Variants in C1QTNF5 observed in about 807,000 individuals in gnomAD.
C1QTNF5 encodes C1q and TNF related 5, also known as complement C1q tumor necrosis factor-related protein 5.
C1QTNF5 carries 5 observed loss-of-function variants against 10.9 expected under a neutral mutation model. The ratio of observed to expected loss-of-function variants is 0.46; its 90% CI spans 0.24 to 0.97. The LOEUF (loss-of-function observed/expected upper bound fraction) is 0.97. Among genes scored for constraint, C1QTNF5 ranks in the 50% least tolerant of loss-of-function variants. The pLI is 0.19. For synonymous variants in C1QTNF5, 161 were observed against 156.5 expected (o/e 1.03, Z -0.22); for missense variants, 281 against 339.4 (o/e 0.83, Z 1.35).
In C1QTNF5 at chr11:119,340,351, G is replaced by A; in HGVS notation, c.47C>T (p.Ser16Leu). Residue 16 changes from serine (S) to leucine (L), a missense_variant, in exon 2 of 3, where the codon TCG becomes TTG. Transcript: ENST00000528368. ...VLLLLGLAAG[S>L]PPLDDNKIPS... ...GATCTTGTTGTCGTCCAGTGGGGGC[G>A]AGCCGGCCGCCAGGCCCAGGAGCAG... 1.9e-6 allele frequency: 3 copies of A among 1,543,992 alleles called. No individual in the cohort carries two copies. Among genetic ancestry groups the A allele is most frequent in the Non-Finnish European group, 2.6e-6 (3 of 1,145,404 alleles).
At chr11:119,344,783 G>A, upstream of C1QTNF5, 1 of 1,613,838 alleles carries the variant, frequency 6.2e-7, no homozygotes, top group Non-Finnish European at 8.5e-7. Context: ...AGGAGTCAGG[G>A]AGGCCCGGAG....
In C1QTNF5 at chr11:119,339,194, C is replaced by G. The variant is rs906579086; in HGVS notation, c.*137G>C. On this transcript the variant is annotated 3_prime_UTR_variant, in exon 3 of 3. Transcript: ENST00000528368. The surrounding 1 kb of genome is among the most constrained non-coding windows in gnomAD (Gnocchi z 5.4). ...CACTGTTCCCATTCCTTGCCAGCAG[C>G]AGGACGGAGAGTGCTCTACCCCACC... is the stretch of plus-strand genomic sequence containing the variant. 5 of 954,564 alleles carry G rather than the reference C, an allele frequency of 5.2e-6. No homozygotes were observed. The African/African-American group carries it at 6.6e-5, about 13-fold the overall frequency. The allele number at this position is 954,564 out of a possible 1,614,324, so 59.1% of individuals were successfully genotyped here. A position where few individuals can be genotyped will look rare whatever the true frequency, so the allele number is the denominator to read the frequency against.
upstream of C1QTNF5, chr11:119,341,907 C>T (rs1950506856): frequency 2.5e-6 from 4 of 1,614,050 alleles, no homozygotes; most frequent in Non-Finnish European, 3.4e-6. Context: ...ATCATGCCCA[C>T]CCAGATGTTA....
At chr11:119,342,090 G>A (rs562656011), upstream of C1QTNF5, 1 of 1,424,662 alleles carries the variant, frequency 7.0e-7, no homozygotes, top group Admixed American at 1.9e-5. Context: ...GTCCAATGGG[G>A]GTGGTTGTGA....
At chr11:119,344,490 T>C, upstream of C1QTNF5, 2 of 1,567,722 alleles carry the variant, frequency 1.3e-6, no homozygotes, top group East Asian at 2.3e-5. Context: ...GCCATGCCCA[T>C]GGGAAACAAG....
chr11:119,344,826 G>A, upstream of C1QTNF5: 2 of 1,613,580 alleles, frequency 1.2e-6, no homozygotes, highest in Non-Finnish European at 1.7e-6. Context: ...GGGAGTGGGT[G>A]GAGGGGAAGA....
upstream of C1QTNF5, chr11:119,343,722 A>G (rs1440881996): frequency 2.0e-6 from 3 of 1,507,452 alleles, no homozygotes; most frequent in Non-Finnish European, 2.8e-6. Context: ...AAGAAAATGA[A>G]GCTGGAGAAT....
upstream of C1QTNF5, chr11:119,345,085 C>A: frequency 1.3e-6 from 2 of 1,532,864 alleles, no homozygotes; most frequent in Non-Finnish European, 8.8e-7. Flanking sequence ...CCTTGCAGTC[C>A]TATTTTCTCA....
chr11:119,343,022 T>C, upstream of C1QTNF5: 1 of 1,589,460 alleles, frequency 6.3e-7, no homozygotes, highest in Non-Finnish European at 8.5e-7. Flanking sequence ...AGCAGACAGC[T>C]GTTCTGGGCA....
upstream of C1QTNF5, chr11:119,342,619 C>A: frequency 6.2e-7 from 1 of 1,613,514 alleles, no homozygotes; most frequent in Non-Finnish European, 8.5e-7. Flanking sequence ...CAAGGGGCCG[C>A]TGCAGTTGTC....
At chr11:119,340,658 C>T (rs1360059613) in intron 1 of C1QTNF5, 37 bp downstream of exon 1, 1 of 516,136 alleles carries the variant, frequency 1.9e-6, no homozygotes, top group Admixed American at 3.8e-5. Flanking sequence ...CCCACAGTCC[C>T]CTCCCCAGCC....
upstream of C1QTNF5, chr11:119,341,697 G>C: frequency 6.2e-7 from 1 of 1,613,202 alleles, no homozygotes; most frequent in Non-Finnish European, 8.5e-7. Context: ...ACACTGCCTA[G>C]TGGGGTGCAA....
upstream of C1QTNF5, chr11:119,343,838 C>G (rs1409900171): frequency 2.5e-6 from 4 of 1,613,966 alleles, no homozygotes; most frequent in Non-Finnish European, 3.4e-6. Flanking sequence ...CTGAAGGCCC[C>G]TGAGCTGCTG....
upstream of C1QTNF5, chr11:119,343,700 C>T: frequency 7.5e-7 from 1 of 1,332,106 alleles, no homozygotes; most frequent in Non-Finnish European, 1.1e-6. Context: ...GACCCCCGGC[C>T]TGGAGTAGCA....
At chr11:119,341,509 A>G (rs746947108), upstream of C1QTNF5, 563 of 1,560,928 alleles carry the variant, frequency 3.6e-4, 1 homozygote, top group Non-Finnish European at 4.7e-4. Context: ...GACCGGCAAA[A>G]GAGGACGGGC....
upstream of C1QTNF5, chr11:119,343,092 AGCCCTGGATGAT>A: frequency 6.6e-7 from 1 of 1,505,046 alleles, no homozygotes; most frequent in Admixed American, 2.0e-5. Flanking sequence ...CTGAGCTGGG[AGCCCTGGATGAT>A]GCCAAAGGTG....
rs1223246159 is a variant in C1QTNF5 at position 119,340,114 on chromosome 11, A to G, written c.214+70T>C. ...CTGGCGGGAGACCCGAGTCCCGGAC[A>G]CCGGGAGCTGGAGCTGCGGCCGCGC... On this transcript the variant is annotated intron_variant, in intron 2 of 2. Coordinates refer to ENST00000528368, the MANE Select transcript of C1QTNF5 (RefSeq NM_001278431.2). 7 of 1,451,258 alleles carry G rather than the reference A, an allele frequency of 4.8e-6. No homozygotes were observed. In the East Asian group the frequency reaches 1.7e-4, roughly 35 times the overall value. The allele number at this position is 1,451,258 out of a possible 1,614,324, so 89.9% of individuals were successfully genotyped here.
At chr11:119,345,191 C>T (rs12421909), upstream of C1QTNF5, among the ~76,000 whole-genome samples, 12,652 of 152,250 alleles carry the variant, frequency 0.083, 812 homozygotes, top group East Asian at 0.29. Context: ...CTTGTAGCAT[C>T]TACTCATGGG....
At position 119,340,692 on chromosome 11, in the gene C1QTNF5, C is replaced by G; in HGVS notation, c.-44+3G>C. On this transcript the variant is annotated splice_donor_region_variant and intron_variant, in intron 1 of 2. Transcript: ENST00000528368. The stretch of plus-strand genomic sequence containing the variant: ...CCCCTTTCCCCTCCTCCGCCAGACT[C>G]ACCCCCCCTCCCGGCTCCCCGATGG... The G allele has an allele frequency of 2.3e-6, 1 of 440,142 alleles. No individual in the cohort carries two copies. The highest frequency in any genetic ancestry group is 2.7e-5 in the South Asian group (1 of 37,604). The allele number at this position is 440,142 out of a possible 1,614,324, so 27.3% of individuals were successfully genotyped here. A position where few individuals can be genotyped will look rare whatever the true frequency, so the allele number is the denominator to read the frequency against.
Sources: allele counts gnomAD v4.1 joint callset (sites outside exome capture counted in the v4.1 genomes callset), GRCh38; gene constraint gnomAD v4.1.1; non-coding constraint Gnocchi (gnomAD v3.1); transcripts MANE v1.5; gene names NCBI Gene and HGNC (gene_info 2026-07-23, HGNC 2026-07-21).